The following SEC22C variants were observed in gnomAD, a reference collection of about 807,000 sequenced individuals.
SEC22C encodes vesicle-trafficking protein SEC22c.
SEC22C carries 29 observed loss-of-function variants against 34.7 expected under a neutral mutation model. That is an observed-to-expected ratio of 0.84 (90% CI 0.62 to 1.14). The LOEUF (loss-of-function observed/expected upper bound fraction) is 1.14. Ranked by LOEUF, SEC22C falls within the 50% of genes most tolerant of loss-of-function variation. The pLI is 0.00. For missense variants in SEC22C, 337 were observed against 369.0 expected (o/e 0.91, Z 0.71); for synonymous variants, 117 against 132.8 (o/e 0.88, Z 0.82).
At chr3:42,590,362 A>G (rs533999408) in intron 1 of SEC22C, among the ~76,000 whole-genome samples, 1 of 152,270 alleles carries the variant, frequency 6.6e-6, no homozygotes, top group Non-Finnish European at 1.5e-5. Context: ...TCCTGCAGAT[A>G]GATTGAGTAT....
chr3:42,552,090 T>A lies in SEC22C; in HGVS notation c.*1158A>T. 3 of 985,430 alleles carry A rather than the reference T, an allele frequency of 3.0e-6. No homozygotes were observed. The highest frequency in any genetic ancestry group is 3.6e-6 in the Non-Finnish European group (3 of 829,924). 61.0% of individuals were successfully genotyped at this position (985,430 alleles called of 1,614,324 possible). The stretch of plus-strand genomic sequence containing the variant: ...ACCTAAGGGATCTTATCCAGAACCA[T>A]ATTTTGGAAAACTGTGATCAATCAA... On this transcript the variant is annotated 3_prime_UTR_variant, in exon 7 of 7. Coordinates refer to ENST00000264454, the MANE Select transcript of SEC22C (RefSeq NM_032970.4).
chr3:42,575,799 A>G (rs1291917958), intron 1 of SEC22C, among the ~76,000 whole-genome samples: 1 of 152,212 alleles, frequency 6.6e-6, no homozygotes, highest in Non-Finnish European at 1.5e-5. Context: ...ATAATATTGC[A>G]TCCAACAACA....
At chr3:42,584,261 C>A (rs369606699), upstream of SEC22C, among the ~76,000 whole-genome samples, 5 of 152,242 alleles carry the variant, frequency 3.3e-5, no homozygotes, top group African/African-American at 1.2e-4. Flanking sequence ...GGGCTGAACA[C>A]AGACTTTTTT....
chr3:42,558,677 C>T (rs976834015), intron 4 of SEC22C, among the ~76,000 whole-genome samples: 8 of 151,370 alleles, frequency 5.3e-5, no homozygotes, highest in Admixed American at 1.3e-4. Flanking sequence ...CTGTAGTCCC[C>T]GCTACTCAGG....
intron 1 of SEC22C, 33 bp from the exon 2 acceptor site, chr3:42,569,106 C>G: frequency 6.9e-7 from 1 of 1,453,710 alleles, no homozygotes; most frequent in South Asian, 1.2e-5. Context: ...GTTACTGAGG[C>G]TCAAATGACA....
At chr3:42,557,395 T>C (rs1241002814) in intron 5 of SEC22C, among the ~76,000 whole-genome samples, 183 bp downstream of exon 5, 2 of 152,132 alleles carry the variant, frequency 1.3e-5, no homozygotes, top group African/African-American at 4.8e-5. Context: ...CTTAGGACAA[T>C]AGACATAAAA....
Position 42,552,626 on chromosome 3 carries a change from C to T in SEC22C, c.*622G>A, listed in dbSNP as rs1702304880. ...AATTAAATAAACTCAGATTTCTTAA[C>T]CATTTTCTCAGCTTAAGTTTGCCCT... On this transcript the variant is annotated 3_prime_UTR_variant, in exon 7 of 7. Coordinates refer to ENST00000264454, the MANE Select transcript of SEC22C (RefSeq NM_032970.4). The T allele has an allele frequency of 1.0e-6, 1 of 983,928 alleles. No individual in the cohort carries two copies. The allele number at this position is 983,928 out of a possible 1,614,324, so 60.9% of individuals were successfully genotyped here. A position where few individuals can be genotyped will look rare whatever the true frequency, so the allele number is the denominator to read the frequency against.
intron 1 of SEC22C, among the ~76,000 whole-genome samples, chr3:42,592,457 C>T (rs143411732): frequency 0.032 from 4,929 of 152,310 alleles, 131 homozygotes; most frequent in East Asian, 0.11. Flanking sequence ...ACCTCGACCT[C>T]CCAAAGTGTT....
rs561740457 is a variant in SEC22C at position 42,549,559 on chromosome 3, A to ACG, written c.*3688_*3689insCG. The stretch of plus-strand genomic sequence containing the variant: ...CTGACTCTGAGCTGTGCTGACCACC[A>ACG]AGTGTTACTCCTCTCCAAGACTTGA... On this transcript the variant is annotated 3_prime_UTR_variant, in exon 7 of 7. Coordinates refer to ENST00000264454, the MANE Select transcript of SEC22C (RefSeq NM_032970.4). The ACG allele has an allele frequency of 7.1e-6, 7 of 985,022 alleles. No homozygotes were observed. Among genetic ancestry groups the ACG allele is most frequent in the Non-Finnish European group, 8.4e-6 (7 of 829,904 alleles). 61.0% of individuals were successfully genotyped at this position (985,022 alleles called of 1,614,324 possible).
chr3:42,564,189 G>T, intron 2 of SEC22C: 1 of 267,174 alleles, frequency 3.7e-6, no homozygotes, highest in Non-Finnish European at 7.3e-6. Context: ...TTCTTATACT[G>T]TCTTCATCTG....
intron 2 of SEC22C, among the ~76,000 whole-genome samples, chr3:42,566,166 G>A (rs1235824281): frequency 3.3e-5 from 5 of 152,168 alleles, no homozygotes; most frequent in Non-Finnish European, 7.4e-5. Flanking sequence ...GCACATGTGG[G>A]CAGGTGCAAC....
intron 6 of SEC22C, among the ~76,000 whole-genome samples, chr3:42,554,847 C>T (rs1702431023): frequency 6.6e-6 from 1 of 152,146 alleles, no homozygotes; most frequent in Admixed American, 6.5e-5. Context: ...GACTCAAAAT[C>T]GCCTCTTTAT....
Position 42,552,982 on chromosome 3 carries a change from C to A in SEC22C, c.*266G>T. 1 of 1,262,524 alleles carries A rather than the reference C, an allele frequency of 7.9e-7. No individual in the cohort carries two copies. The allele number at this position is 1,262,524 out of a possible 1,614,324, so 78.2% of individuals were successfully genotyped here. A position where few individuals can be genotyped will look rare whatever the true frequency, so the allele number is the denominator to read the frequency against. ...TTTCTCTCTTCCAATAAAGCTCTTT[C>A]TGGATGAGCCCCCAGATCCAGCTGT... is the stretch of plus-strand genomic sequence containing the variant. On this transcript the variant is annotated 3_prime_UTR_variant, in exon 7 of 7. Transcript: ENST00000264454.
In SEC22C at chr3:42,571,948, G is replaced by A. The variant is rs550954382; in HGVS notation, c.-27-2875C>T. Among the ~76,000 whole-genome samples the A allele has an allele frequency of 5.7e-4, 87 of 152,254 alleles. 1 individual carries two copies. In the South Asian group the frequency reaches 0.018, roughly 31 times the overall value. Reference sequence around the variant, plus strand: ...CTCAGGAGGCTGAGGCACGAGAATCGCTTGAATCCGGGAGGGAGAGGTTAC... The same window carrying A: ...CTCAGGAGGCTGAGGCACGAGAATCACTTGAATCCGGGAGGGAGAGGTTAC... On this transcript the variant is annotated intron_variant, in intron 1 of 6. Coordinates refer to ENST00000264454, the MANE Select transcript of SEC22C (RefSeq NM_032970.4).
rs771656965 is a variant in SEC22C at position 42,549,941 on chromosome 3, G to A, written c.*3307C>T. ...CCAGCTGCAGGCAGTGGGGCCTCTG[G>A]TACTGAGAGGGAATGCCACCCGAAT... On this transcript the variant is annotated 3_prime_UTR_variant, in exon 7 of 7. Transcript: ENST00000264454. 1.0e-6 allele frequency: 1 copy of A among 985,380 alleles called. No individual in the cohort carries two copies. The highest frequency in any genetic ancestry group is 1.7e-5 in the African/African-American group (1 of 57,266). 61.0% of individuals were successfully genotyped at this position (985,380 alleles called of 1,614,324 possible). A position where few individuals can be genotyped will look rare whatever the true frequency, so the allele number is the denominator to read the frequency against.
In SEC22C at chr3:42,552,533, T is replaced by C. The variant is rs1363686648; in HGVS notation, c.*715A>G. ...AATTAATTTTTAAAATATTCGGATA[T>C]ACCCTGCAAATAAATATAAAACATC... On this transcript the variant is annotated 3_prime_UTR_variant, in exon 7 of 7. Coordinates refer to ENST00000264454, the MANE Select transcript of SEC22C (RefSeq NM_032970.4). 1 of 980,012 alleles carries C rather than the reference T, an allele frequency of 1.0e-6. No homozygotes were observed. The highest frequency in any genetic ancestry group is 1.2e-6 in the Non-Finnish European group (1 of 825,198). The allele number at this position is 980,012 out of a possible 1,614,324, so 60.7% of individuals were successfully genotyped here.
Position 42,550,639 on chromosome 3 carries a change from G to C in SEC22C, c.*2609C>G. 1.0e-6 allele frequency: 1 copy of C among 985,082 alleles called. No individual in the cohort carries two copies. The allele number at this position is 985,082 out of a possible 1,614,324, so 61.0% of individuals were successfully genotyped here. On this transcript the variant is annotated 3_prime_UTR_variant, in exon 7 of 7. Coordinates refer to ENST00000264454, the MANE Select transcript of SEC22C (RefSeq NM_032970.4). ...AAAGTCAATCTCACCCCATGTAGAT[G>C]TTAACTGATATCCACACATTCGACC...
chr3:42,559,962 C>G lies in SEC22C; in HGVS notation c.526+1155G>C, dbSNP rs140121475. ...AGAGGGAGATCCCAGGTCTCAGAGA[C>G]AGCCAGACAGTGAGAACGTTAGAAG... On this transcript the variant is annotated intron_variant, in intron 4 of 6. Transcript: ENST00000264454. Among the ~76,000 whole-genome samples, 366 of 151,902 alleles carry G rather than the reference C, an allele frequency of 2.4e-3. 1 individual carries two copies. Among genetic ancestry groups the G allele is most frequent in the African/African-American group, 8.3e-3 (345 of 41,480 alleles).
rs1023929187 is a variant in SEC22C, at chr3:42,552,807, G to GA, written c.*440dup. ...TTAATTCATCCTGTACTGACCCTCT[G>GA]AAAAAAAAAACTAATCAAGTTATGT... On this transcript the variant is annotated 3_prime_UTR_variant, in exon 7 of 7. Transcript: ENST00000264454. 10,548 of 852,598 alleles carry GA rather than the reference G, an allele frequency of 0.012. No individual in the cohort carries two copies. The highest frequency in any genetic ancestry group is 0.02 in the Middle Eastern group (34 of 1,714). 52.8% of individuals were successfully genotyped at this position (852,598 alleles called of 1,614,324 possible). A position where few individuals can be genotyped will look rare whatever the true frequency, so the allele number is the denominator to read the frequency against.
Sources: gnomAD v4.1 joint callset for allele counts (sites outside exome capture counted in the v4.1 genomes callset) on GRCh38, gnomAD v4.1.1 for gene constraint, MANE v1.5 for transcripts, NCBI Gene and HGNC (gene_info 2026-07-23, HGNC 2026-07-21) for gene names.